PHLDB2: variants seen among roughly 807,000 people sequenced by gnomAD.
PHLDB2 encodes pleckstrin homology like domain family B member 2.
A neutral mutation model predicts 123.6 loss-of-function variants in PHLDB2; 71 were observed. That is an observed-to-expected ratio of 0.57 (90% CI 0.47 to 0.70). The LOEUF is 0.70. Among genes scored for constraint, PHLDB2 ranks in the 30% least tolerant of loss-of-function variants. PHLDB2 has a pLI of 0.00. For missense variants in PHLDB2, 1,446 were observed against 1,519.5 expected (o/e 0.95, Z 0.80); for synonymous variants, 547 against 541.6 (o/e 1.01, Z -0.14).
chr3:111,766,735 A>C (rs2060088631), intron 1 of PHLDB2, among the ~76,000 whole-genome samples: 2 of 152,038 alleles, frequency 1.3e-5, no homozygotes, highest in African/African-American at 4.8e-5. Context: ...CTTGTCTTTC[A>C]AGAGTTAGCA....
At chr3:111,892,084 T>G (rs2066533899) in intron 2 of PHLDB2, among the ~76,000 whole-genome samples, 1 of 152,190 alleles carries the variant, frequency 6.6e-6, no homozygotes, top group African/African-American at 2.4e-5. Flanking sequence ...ACATTGATAC[T>G]TATTTCTCAA....
intron 1 of PHLDB2, among the ~76,000 whole-genome samples, chr3:111,795,567 AT>A (rs2061118277): frequency 6.6e-6 from 1 of 152,164 alleles, no homozygotes; most frequent in African/African-American, 2.4e-5. Context: ...CTTTTGATAA[AT>A]AATCTCACTT....
At chr3:111,735,983 T>G (rs1013988799) in intron 1 of PHLDB2, among the ~76,000 whole-genome samples, 1 of 152,192 alleles carries the variant, frequency 6.6e-6, no homozygotes, top group African/African-American at 2.4e-5. Flanking sequence ...GTAAAAAAAG[T>G]TCTTTCTAAA....
At position 111,790,366 on chromosome 3, in the gene PHLDB2, T is replaced by C. The variant is rs541681534; in HGVS notation, c.-48-55455T>C. On this transcript the variant is annotated intron_variant, in intron 1 of 17. Transcript: ENST00000393923. ...CAAAAGTTTACTCCAACTCCTCAGGTAAATGTCTCTTCTCTGATAAGGTAC... is the reference window on the plus strand; with the variant it reads ...CAAAAGTTTACTCCAACTCCTCAGGCAAATGTCTCTTCTCTGATAAGGTAC... 1.4e-4 allele frequency among the ~76,000 whole-genome samples: 21 copies of C among 152,266 alleles called. No homozygotes were observed. The East Asian group carries it at 3.3e-3, about 24-fold the overall frequency.
At chr3:111,830,606 G>A (rs1471383209) in intron 1 of PHLDB2, among the ~76,000 whole-genome samples, 1 of 149,302 alleles carries the variant, frequency 6.7e-6, no homozygotes, top group Non-Finnish European at 1.5e-5. Context: ...TCAGGAGATC[G>A]AGACCATCCC....
Position 111,798,701 on chromosome 3 carries a change from A to ATAAAATAAAATAAAT in PHLDB2, c.-48-47109_-48-47108insAAATTAAAATAAAAT, listed in dbSNP as rs1188558850. On this transcript the variant is annotated intron_variant, in intron 1 of 17. Coordinates refer to the PHLDB2 transcript ENST00000393923. ...TCTAATAAAAATAAAATAAAATAAA[A>ATAAAATAAAATAAAT]TAAAATAAAATGTTATTTTATCTTT... Among the ~76,000 whole-genome samples, 3 of 151,846 alleles carry ATAAAATAAAATAAAT rather than the reference A, an allele frequency of 2.0e-5. No homozygotes were observed. In the South Asian group the frequency reaches 6.2e-4, roughly 32 times the overall value.
chr3:111,871,649 AAAAC>A (rs999408023), intron 1 of PHLDB2, among the ~76,000 whole-genome samples: 65 of 99,048 alleles, frequency 6.6e-4, no homozygotes, highest in African/African-American at 1.9e-3. Context: ...CCCTGTTAAA[AAAAC>A]AAACAAACAA....
intron 4 of PHLDB2, 70 bp downstream of exon 4, chr3:111,919,285 A>C (rs951660): frequency 0.88 from 1,349,299 of 1,531,756 alleles, 595,875 homozygotes; most frequent in East Asian, 0.93. Flanking sequence ...CTTATTCAGG[A>C]ATAGGCTTTG....
chr3:111,925,043 G>A (rs2068740306), intron 5 of PHLDB2, among the ~76,000 whole-genome samples: 1 of 152,010 alleles, frequency 6.6e-6, no homozygotes, highest in East Asian at 1.9e-4. Flanking sequence ...TGTCCAGGCT[G>A]GTCTCGAATG....
chr3:111,756,632 C>A (rs1419577350), intron 1 of PHLDB2, among the ~76,000 whole-genome samples: 6 of 152,088 alleles, frequency 3.9e-5, no homozygotes, highest in South Asian at 2.1e-4. Flanking sequence ...TTAATTGGAG[C>A]ATTTAGTCCA....
intron 1 of PHLDB2, among the ~76,000 whole-genome samples, chr3:111,771,565 TCCTGG>T (rs1471754326): frequency 5.3e-5 from 8 of 152,152 alleles, no homozygotes; most frequent in Non-Finnish European, 1.2e-4. Flanking sequence ...GGTCTCGAAC[TCCTGG>T]CCTCAAGTAG....
At chr3:111,883,162 T>G (rs2107326087) in intron 1 of PHLDB2, among the ~76,000 whole-genome samples, 1 of 152,350 alleles carries the variant, frequency 6.6e-6, no homozygotes, top group Admixed American at 6.5e-5. Context: ...CCTTCCCATT[T>G]GCAGTAATAG....
rs1372533365 is a variant in PHLDB2, at chr3:111,975,754, G to A, written c.*1191G>A. 1.3e-5 allele frequency: 2 copies of A among 152,444 alleles called. No individual in the cohort carries two copies. Among genetic ancestry groups the A allele is most frequent in the South Asian group, 2.1e-4 (1 of 4,836 alleles). 9.4% of individuals were successfully genotyped at this position (152,444 alleles called of 1,614,324 possible). Reference sequence around the variant, plus strand: ...AGTGCCATTTATTCTAGTTTATCATGTTTTGCATGTTTGAAAGTATGAATG... The same window carrying A: ...AGTGCCATTTATTCTAGTTTATCATATTTTGCATGTTTGAAAGTATGAATG... On this transcript the variant is annotated 3_prime_UTR_variant, in exon 18 of 18. Coordinates refer to ENST00000431670, the MANE Select transcript of PHLDB2 (RefSeq NM_001134438.2).
intron 1 of PHLDB2, among the ~76,000 whole-genome samples, chr3:111,808,806 C>A (rs2061709296): frequency 6.6e-6 from 1 of 152,034 alleles, no homozygotes; most frequent in Admixed American, 6.6e-5. Context: ...CTTTTATAAC[C>A]CTAAGGTATT....
chr3:111,892,206 T>A (rs2066544415), intron 2 of PHLDB2, among the ~76,000 whole-genome samples: 1 of 152,250 alleles, frequency 6.6e-6, no homozygotes, highest in African/African-American at 2.4e-5. Flanking sequence ...GAAAATAAGG[T>A]TGGCTTTCTT....
chr3:111,802,341 C>A (rs1187851769), intron 1 of PHLDB2, among the ~76,000 whole-genome samples: 3 of 152,198 alleles, frequency 2.0e-5, no homozygotes, highest in Non-Finnish European at 4.4e-5. Context: ...GGAGACAGAG[C>A]AAGGGGAGAG....
intron 1 of PHLDB2, among the ~76,000 whole-genome samples, chr3:111,820,662 A>G (rs2062327510): frequency 6.6e-6 from 1 of 152,196 alleles, no homozygotes; most frequent in Non-Finnish European, 1.5e-5. Flanking sequence ...GCAGATCTTC[A>G]CAGGCCCTGA....
intron 2 of PHLDB2, among the ~76,000 whole-genome samples, chr3:111,897,499 T>C (rs1351279165): frequency 6.6e-6 from 1 of 152,248 alleles, no homozygotes; most frequent in Non-Finnish European, 1.5e-5. Context: ...AGCCAAAAGC[T>C]TTGCTCTGGT....
chr3:111,848,215 T>G (rs1442196109), intron 2 of PHLDB2, among the ~76,000 whole-genome samples: 1 of 152,124 alleles, frequency 6.6e-6, no homozygotes, highest in African/African-American at 2.4e-5. Context: ...TAATTGAGAA[T>G]CTATCATAAA....
Sources: allele counts gnomAD v4.1 joint callset (sites outside exome capture counted in the v4.1 genomes callset), GRCh38; gene constraint gnomAD v4.1.1; transcripts MANE v1.5; gene names NCBI Gene and HGNC (gene_info 2026-07-23, HGNC 2026-07-21).